Variants in CDH18 observed in about 807,000 individuals in gnomAD.
The protein encoded by CDH18 is cadherin-18.
In CDH18, 31 loss-of-function variants were observed where a neutral mutation model predicts 67.9. The observed-to-expected ratio is 0.46, with a 90% CI of 0.34 to 0.62. The LOEUF (loss-of-function observed/expected upper bound fraction) is 0.62, where lower values mean the gene tolerates loss of function less well. CDH18 is among the 20% of genes least tolerant of loss of function. The pLI is 0.01. For synonymous variants in CDH18, 362 were observed against 347.2 expected (o/e 1.04, Z -0.48); for missense variants, 890 against 975.5 (o/e 0.91, Z 1.17).
rs560641518 is a variant in CDH18 at position 20,535,462 on chromosome 5, A to G, written c.-580+40000T>C. On this transcript the variant is annotated intron_variant, in intron 1 of 14. Transcript: ENST00000507958. ...CATTTAGCCCACCAGTATAATTCAA[A>G]ATAATCTTCCAGCTTTAACATCCAT... 2.6e-5 allele frequency among the ~76,000 whole-genome samples: 4 copies of G among 152,238 alleles called. 2 individuals carry two copies. Among genetic ancestry groups the G allele is most frequent in the African/African-American group, 9.6e-5 (4 of 41,556 alleles).
chr5:19,506,371 C>G (rs901645099), intron 10 of CDH18, among the ~76,000 whole-genome samples: 2 of 152,116 alleles, frequency 1.3e-5, no homozygotes, highest in Non-Finnish European at 2.9e-5. Flanking sequence ...CCCCATCAAG[C>G]TACCAATGAC....
intron 1 of CDH18, among the ~76,000 whole-genome samples, chr5:20,554,316 G>T (rs1365355703): frequency 1.3e-5 from 2 of 152,140 alleles, no homozygotes; most frequent in Non-Finnish European, 2.9e-5. Context: ...ATACAAACAT[G>T]TTCAAGTCTT....
chr5:19,788,805 G>A (rs1776072053), intron 3 of CDH18, among the ~76,000 whole-genome samples: 2 of 152,180 alleles, frequency 1.3e-5, no homozygotes, highest in Non-Finnish European at 1.5e-5. Context: ...ATGGTGACTT[G>A]TTGTTAAAGG....
chr5:20,137,863 A>G (rs1749873075), intron 2 of CDH18, among the ~76,000 whole-genome samples: 2 of 152,116 alleles, frequency 1.3e-5, no homozygotes, highest in Non-Finnish European at 2.9e-5. Flanking sequence ...ATATGGATTC[A>G]CAGCCGAATT....
intron 9 of CDH18, among the ~76,000 whole-genome samples, chr5:19,530,530 C>G (rs928020742): frequency 2.0e-5 from 3 of 151,908 alleles, no homozygotes; most frequent in African/African-American, 7.3e-5. Context: ...TGTGCTGCAC[C>G]CATTAACTCG....
intron 1 of CDH18, among the ~76,000 whole-genome samples, chr5:20,280,380 C>T (rs1017790733): frequency 1.3e-4 from 20 of 152,044 alleles, no homozygotes; most frequent in Non-Finnish European, 2.6e-4. Context: ...CAACAAAAGG[C>T]CTGGTGTGTG....
chr5:19,767,085 C>T (rs1392896871), intron 3 of CDH18, among the ~76,000 whole-genome samples: 1 of 151,144 alleles, frequency 6.6e-6, no homozygotes, highest in African/African-American at 2.4e-5. Flanking sequence ...AATAAGTAAA[C>T]AAAAATTTAA....
At chr5:20,240,398 C>T (rs1742809371) in intron 2 of CDH18, among the ~76,000 whole-genome samples, 1 of 152,014 alleles carries the variant, frequency 6.6e-6, no homozygotes, top group Non-Finnish European at 1.5e-5. Flanking sequence ...AAACTGTGTG[C>T]ATAAATTTAT....
intron 2 of CDH18, among the ~76,000 whole-genome samples, chr5:19,977,925 T>C (rs1320755669): frequency 6.6e-6 from 1 of 152,110 alleles, no homozygotes; most frequent in Non-Finnish European, 1.5e-5. Context: ...TTATATGAGG[T>C]TACATTTTTT....
chr5:20,292,657 G>A (rs1010623209), intron 1 of CDH18, among the ~76,000 whole-genome samples: 2 of 152,140 alleles, frequency 1.3e-5, no homozygotes, highest in African/African-American at 4.8e-5. Context: ...AAGGACATGG[G>A]AGGAGAACGT....
At chr5:20,202,619 C>G (rs1739540777) in intron 2 of CDH18, among the ~76,000 whole-genome samples, 1 of 151,782 alleles carries the variant, frequency 6.6e-6, no homozygotes, top group Admixed American at 6.6e-5. Flanking sequence ...GTATTTTGTT[C>G]TTAATGAATT....
At chr5:19,952,420 A>G (rs1481559801) in intron 2 of CDH18, among the ~76,000 whole-genome samples, 2 of 152,132 alleles carry the variant, frequency 1.3e-5, no homozygotes, top group Non-Finnish European at 2.9e-5. Flanking sequence ...TAGGTTAGTG[A>G]GTGTTCCAAG....
chr5:19,507,144 A>C (rs150249456), intron 10 of CDH18, among the ~76,000 whole-genome samples: 1 of 152,200 alleles, frequency 6.6e-6, no homozygotes, highest in African/African-American at 2.4e-5. Flanking sequence ...GCCAAAAGAC[A>C]CATGAAAAAA....
intron 2 of CDH18, among the ~76,000 whole-genome samples, chr5:20,191,519 C>T (rs530800569): frequency 6.6e-6 from 1 of 152,130 alleles, no homozygotes; most frequent in Admixed American, 6.6e-5. Context: ...CCCTCACCCC[C>T]ATCCCCCAAC....
At chr5:20,112,450 C>A (rs1380168562) in intron 2 of CDH18, among the ~76,000 whole-genome samples, 1 of 152,024 alleles carries the variant, frequency 6.6e-6, no homozygotes, top group East Asian at 1.9e-4. Context: ...TAGTTTTTGC[C>A]ATGTTTGATA....
chr5:20,042,582 T>C (rs756193815), intron 2 of CDH18, among the ~76,000 whole-genome samples: 2 of 152,206 alleles, frequency 1.3e-5, no homozygotes, highest in Non-Finnish European at 2.9e-5. Context: ...AATTTAATTG[T>C]CAGGAAAAAT....
At chr5:20,553,031 G>A (rs753092814) in intron 1 of CDH18, among the ~76,000 whole-genome samples, 11 of 151,958 alleles carry the variant, frequency 7.2e-5, no homozygotes, top group Admixed American at 3.3e-4. Context: ...GGGATTACAG[G>A]AGTGAGCCAC....
At chr5:19,937,353 G>C (rs957807213) in intron 2 of CDH18, among the ~76,000 whole-genome samples, 3 of 151,284 alleles carry the variant, frequency 2.0e-5, no homozygotes, top group African/African-American at 7.3e-5. Flanking sequence ...TAACAAGGAG[G>C]TGTTATGGTG....
chr5:19,744,568 A>G (rs1268814574), intron 4 of CDH18, among the ~76,000 whole-genome samples: 2 of 151,172 alleles, frequency 1.3e-5, no homozygotes, highest in Non-Finnish European at 2.9e-5. Context: ...TGTTGATAAC[A>G]TTTTTCCTCT....
Sources: allele counts gnomAD v4.1 joint callset (sites outside exome capture counted in the v4.1 genomes callset), GRCh38; gene constraint gnomAD v4.1.1; transcripts MANE v1.5; gene names NCBI Gene and HGNC (gene_info 2026-07-23, HGNC 2026-07-21).